TRIM71: variants seen among roughly 807,000 people sequenced by gnomAD.
TRIM71 encodes tripartite motif containing 71.
Under a neutral mutation model 61.2 loss-of-function variants are expected in TRIM71, and 9 were observed. That is an observed-to-expected ratio of 0.15 (90% confidence interval 0.09 to 0.26). The LOEUF (loss-of-function observed/expected upper bound fraction) is 0.26, where lower values mean the gene tolerates loss of function less well. Ranked by LOEUF, TRIM71 falls within the 10% of genes least tolerant of loss-of-function variation. The pLI, the probability that TRIM71 is intolerant of heterozygous loss-of-function variation, is 1.00. For synonymous variants in TRIM71, 645 were observed against 553.2 expected (o/e 1.17, Z -2.33); for missense variants, 998 against 1,238.7 (o/e 0.81, Z 2.92).
intron 1 of TRIM71, among the ~76,000 whole-genome samples, chr3:32,855,577 C>T (rs1696591510): frequency 6.6e-6 from 1 of 152,150 alleles, no homozygotes; most frequent in African/African-American, 2.4e-5. Flanking sequence ...AGGAAGGAGA[C>T]AGATCCTCAG....
chr3:32,866,757 T>C (rs1388278378), intron 1 of TRIM71, among the ~76,000 whole-genome samples: 1 of 151,974 alleles, frequency 6.6e-6, no homozygotes, highest in East Asian at 1.9e-4. Flanking sequence ...ACCTACGCAG[T>C]GTTTTGGAAG....
chr3:32,868,463 AT>A (rs1251652406), intron 1 of TRIM71, among the ~76,000 whole-genome samples: 1 of 152,188 alleles, frequency 6.6e-6, no homozygotes, highest in African/African-American at 2.4e-5. Context: ...CAGTTTTACA[AT>A]TTTATTAGCC....
chr3:32,875,657 T>TG (rs1696845797), intron 2 of TRIM71, among the ~76,000 whole-genome samples: 1 of 151,788 alleles, frequency 6.6e-6, no homozygotes, highest in African/African-American at 2.4e-5. Context: ...CTGGGCAACA[T>TG]GGGGAAACCC....
intron 1 of TRIM71, among the ~76,000 whole-genome samples, chr3:32,846,673 C>T (rs1024085898): frequency 1.3e-5 from 2 of 151,232 alleles, no homozygotes; most frequent in South Asian, 2.1e-4. Context: ...CCCAGCCCCC[C>T]GCTCCAACCC....
At chr3:32,820,009 T>C (rs1394281675) in intron 1 of TRIM71, among the ~76,000 whole-genome samples, 1 of 152,220 alleles carries the variant, frequency 6.6e-6, no homozygotes, top group Non-Finnish European at 1.5e-5. Flanking sequence ...AGTGTCGTCT[T>C]CTCCCCCGAA....
At chr3:32,844,100 G>A (rs1607464) in intron 1 of TRIM71, among the ~76,000 whole-genome samples, 1 of 152,200 alleles carries the variant, frequency 6.6e-6, no homozygotes, top group Middle Eastern at 3.4e-3. Context: ...TTCTCGCGTC[G>A]TCGTTATTTT....
intron 1 of TRIM71, among the ~76,000 whole-genome samples, chr3:32,866,652 A>G (rs946144714): frequency 3.9e-5 from 6 of 152,158 alleles, no homozygotes; most frequent in Non-Finnish European, 1.5e-5. Context: ...TCGATGGAAA[A>G]TAATTCAGGG....
chr3:32,852,755 C>G (rs1227122472), intron 1 of TRIM71, among the ~76,000 whole-genome samples: 1 of 81,284 alleles, frequency 1.2e-5, no homozygotes, highest in Non-Finnish European at 2.1e-5. Context: ...TGTATACTGT[C>G]TTTTAAAAAA....
rs1490113469 is a variant in TRIM71 at position 32,860,199 on chromosome 3, A to G, written c.853-13619A>G. Among the ~76,000 whole-genome samples the G allele has an allele frequency of 4.1e-5, 6 of 145,282 alleles. No homozygotes were observed. The East Asian group carries it at 1.0e-3, about 25-fold the overall frequency. Reference sequence around the variant, plus strand: ...CTCTGATGGAATTTCACTCTTGTCAACCAGGCTGGAGTGCAATGGTGCGAT... The same window carrying G: ...CTCTGATGGAATTTCACTCTTGTCAGCCAGGCTGGAGTGCAATGGTGCGAT... On this transcript the variant is annotated intron_variant, in intron 1 of 3. Transcript: ENST00000383763.
intron 2 of TRIM71, among the ~76,000 whole-genome samples, chr3:32,877,336 T>C (rs1390831014): frequency 1.3e-5 from 2 of 152,048 alleles, no homozygotes; most frequent in African/African-American, 4.8e-5. Flanking sequence ...ACTCTTGACC[T>C]CAGATGATCC....
chr3:32,857,491 C>T (rs961030045), intron 1 of TRIM71, among the ~76,000 whole-genome samples: 17 of 152,138 alleles, frequency 1.1e-4, no homozygotes, highest in African/African-American at 3.6e-4. Flanking sequence ...GGGTTAGGGG[C>T]GCTGACGCCC....
chr3:32,839,673 G>GGGGGT (rs1696381108), intron 1 of TRIM71, among the ~76,000 whole-genome samples: 1 of 113,282 alleles, frequency 8.8e-6, no homozygotes, highest in African/African-American at 3.2e-5. Flanking sequence ...GGGGGGGGGT[G>GGGGGT]GGGGTGGGGT....
At chr3:32,873,306 T>C (rs1354095507) in intron 1 of TRIM71, among the ~76,000 whole-genome samples, 1 of 152,190 alleles carries the variant, frequency 6.6e-6, no homozygotes, top group Non-Finnish European at 1.5e-5. Flanking sequence ...CTTTGCACTT[T>C]GCATTACTAC....
chr3:32,892,901 C>CCCCA lies in TRIM71; in HGVS notation c.*1091_*1094dup, dbSNP rs1211178075. 6.6e-6 allele frequency: 1 copy of CCCCA among 152,088 alleles called. No homozygotes were observed. The highest frequency in any genetic ancestry group is 1.5e-5 in the Non-Finnish European group (1 of 68,038). The allele number at this position is 152,088 out of a possible 1,614,324, so 9.4% of individuals were successfully genotyped here. ...GGGAGCACATTAAAGAACAAGGCAC[C>CCCCA]CCCAAACTATAGGAACTCCACAGAA... On this transcript the variant is annotated 3_prime_UTR_variant, in exon 4 of 4. Coordinates refer to ENST00000383763, the MANE Select transcript of TRIM71 (RefSeq NM_001039111.3).
chr3:32,839,812 A>AGGT (rs1181489159), intron 1 of TRIM71, among the ~76,000 whole-genome samples: 2 of 151,700 alleles, frequency 1.3e-5, no homozygotes, highest in Non-Finnish European at 2.9e-5. Context: ...AGGGCATTGA[A>AGGT]GGTGGGGTGC....
intron 1 of TRIM71, among the ~76,000 whole-genome samples, chr3:32,852,405 CAG>C (rs969268824): frequency 1.1e-4 from 17 of 152,254 alleles, no homozygotes; most frequent in African/African-American, 3.6e-4. Context: ...GGAAGCAAAA[CAG>C]TGGTTCAAAC....
intron 1 of TRIM71, among the ~76,000 whole-genome samples, chr3:32,835,204 T>C (rs1696321385): frequency 1.3e-5 from 2 of 152,242 alleles, no homozygotes; most frequent in South Asian, 4.1e-4. Flanking sequence ...TACGGACATC[T>C]GGACAAATCA....
chr3:32,865,047 G>A (rs973907180), intron 1 of TRIM71, among the ~76,000 whole-genome samples: 3 of 152,000 alleles, frequency 2.0e-5, no homozygotes, highest in African/African-American at 7.2e-5. Flanking sequence ...CACTGTAGCA[G>A]GGCCAGGCGC....
chr3:32,881,029 AT>A (rs60555954), intron 2 of TRIM71, among the ~76,000 whole-genome samples: 1 of 151,826 alleles, frequency 6.6e-6, no homozygotes, highest in African/African-American at 2.4e-5. Flanking sequence ...ATATATATAT[AT>A]TTTTTTGAGG....
Sources: allele counts gnomAD v4.1 joint callset (sites outside exome capture counted in the v4.1 genomes callset), GRCh38; gene constraint gnomAD v4.1.1; transcripts MANE v1.5; gene names NCBI Gene and HGNC (gene_info 2026-07-23, HGNC 2026-07-21).